Variants in SYNE1 observed in about 807,000 individuals in gnomAD.
SYNE1 encodes nesprin-1.
Under a neutral mutation model 1,111.0 loss-of-function variants are expected in SYNE1, and 616 were observed. That is an observed-to-expected ratio of 0.55 (90% confidence interval 0.52 to 0.59). The LOEUF (loss-of-function observed/expected upper bound fraction) is 0.59. Ranked by LOEUF, SYNE1 falls within the 20% of genes least tolerant of loss-of-function variation. SYNE1 has a pLI of 0.00. For synonymous variants in SYNE1, 3,855 were observed against 3,825.8 expected (o/e 1.01, Z -0.28); for missense variants, 10,006 against 10,417.0 (o/e 0.96, Z 1.72).
chr6:152,452,844 G>A (rs569119749), intron 25 of SYNE1, among the ~76,000 whole-genome samples: 6 of 152,240 alleles, frequency 3.9e-5, no homozygotes, highest in Admixed American at 3.9e-4. Flanking sequence ...GGAAGCCCGC[G>A]GGCCCCCGTG....
At chr6:152,282,166 T>G in intron 96 of SYNE1, 186 bp from the exon 97 acceptor site, 1 of 634,032 alleles carries the variant, frequency 1.6e-6, no homozygotes, top group Non-Finnish European at 2.8e-6. Flanking sequence ...AGTCTCAAAA[T>G]TGGTATTTTT....
rs1271652335 is a variant in SYNE1, at chr6:152,549,628, GA to G, written c.68-9608del. On this transcript the variant is annotated intron_variant, in intron 3 of 145. Coordinates refer to ENST00000367255, the MANE Select transcript of SYNE1 (RefSeq NM_182961.4). ...ACCAAAGTTACTCTGCATGAGTTCT[GA>G]CATGGATTGATGCGAAGGGACAGAC... Among the ~76,000 whole-genome samples the G allele has an allele frequency of 7.2e-5, 11 of 152,320 alleles. No individual in the cohort carries two copies. The East Asian group carries it at 1.9e-3, about 27-fold the overall frequency.
intron 128 of SYNE1, among the ~76,000 whole-genome samples, chr6:152,183,494 G>A (rs1005482589): frequency 3.7e-4 from 57 of 152,172 alleles, no homozygotes; most frequent in African/African-American, 1.1e-3. Flanking sequence ...TCAGCTACTC[G>A]GGAGGCTGAG....
At chr6:152,485,893 A>G (rs1171021912) in intron 12 of SYNE1, among the ~76,000 whole-genome samples, 1 of 152,178 alleles carries the variant, frequency 6.6e-6, no homozygotes, top group East Asian at 1.9e-4. Context: ...ACTGAATGGA[A>G]TTTTAAAAAT....
At chr6:152,359,263 G>A (rs1280256363) in intron 65 of SYNE1, 52 bp downstream of exon 65, 1 of 1,610,810 alleles carries the variant, frequency 6.2e-7, no homozygotes, top group East Asian at 2.2e-5. Context: ...AAGGAGCACA[G>A]CTCCAAACAC....
intron 95 of SYNE1, among the ~76,000 whole-genome samples, chr6:152,292,698 T>C (rs1447007100): frequency 1.3e-5 from 2 of 152,254 alleles, no homozygotes; most frequent in Non-Finnish European, 2.9e-5. Context: ...TAAGTTACCC[T>C]GTGTTGATAA....
rs1562396133 is a variant in SYNE1, at chr6:152,236,202, G to A, written c.20301C>T (p.Ser6767=). Residue 6767 remains serine (S), a synonymous_variant, in exon 110 of 146, where the codon AGC becomes AGT. Coordinates refer to ENST00000367255, the MANE Select transcript of SYNE1 (RefSeq NM_182961.4). ...LISISCSDLE[S]QLNQLGECWL... is the part of the protein sequence containing the mutation. ...AGCACTCTCCAAGTTGATTTAGTTGGCTTTCTAGATCTGAGCAGCTGATGG... is the reference window on the plus strand; with the variant it reads ...AGCACTCTCCAAGTTGATTTAGTTGACTTTCTAGATCTGAGCAGCTGATGG... 6.2e-7 allele frequency: 1 copy of A among 1,614,064 alleles called. No homozygotes were observed. The highest frequency in any genetic ancestry group is 8.5e-7 in the Non-Finnish European group (1 of 1,180,000).
rs2097740962 is a variant in SYNE1 at position 152,396,949 on chromosome 6, C to T, written c.7382G>A (p.Ser2461Asn). The T allele has an allele frequency of 6.2e-7, 1 of 1,614,168 alleles. No individual in the cohort carries two copies. ...TTCTTGAGTCACTGCATCAAGTTTG[C>T]TCTGCCCATCACTGACTGAGTCCAA... is the stretch of plus-strand genomic sequence containing the variant. ...NILDSVSDGQ[S>N]KLDAVTQEGQ... Residue 2461 changes from serine (S) to asparagine (N), a missense_variant, in exon 50 of 146, where the codon AGC becomes AAC. By Grantham distance (46) the Ser-to-Asn change is conservative. Coordinates refer to ENST00000367255, the MANE Select transcript of SYNE1 (RefSeq NM_182961.4).
chr6:152,457,080 T>C (rs996505114), intron 22 of SYNE1, among the ~76,000 whole-genome samples: 1 of 152,156 alleles, frequency 6.6e-6, no homozygotes, highest in Non-Finnish European at 1.5e-5. Context: ...GATATCACCA[T>C]GTCTAAAAAT....
chr6:152,377,640 AATATAT>A lies in SYNE1; in HGVS notation c.9010-734_9010-729del, dbSNP rs1369932106. 5.1e-3 allele frequency among the ~76,000 whole-genome samples: 173 copies of A among 33,866 alleles called. 3 individuals are homozygous for A. The highest frequency in any genetic ancestry group is 0.021 in the African/African-American group (139 of 6,664). The allele number at this position is 33,866 out of a possible 152,430, so 22.2% of individuals were successfully genotyped here. ...AAAAAAAAAAAAAAAAAAAAAAAAA[AATATAT>A]ATATATATATATATATATATATATA... On this transcript the variant is annotated intron_variant, in intron 56 of 145. Transcript: ENST00000367255.
At chr6:152,502,160 G>A (rs1169338001) in intron 10 of SYNE1, among the ~76,000 whole-genome samples, 3 of 152,236 alleles carry the variant, frequency 2.0e-5, no homozygotes, top group African/African-American at 4.8e-5. Flanking sequence ...TTTAAAGGCT[G>A]AAAAATCTAA....
intron 114 of SYNE1, among the ~76,000 whole-genome samples, chr6:152,230,942 T>TAA (rs967872402): frequency 1.4e-5 from 2 of 142,340 alleles, no homozygotes; most frequent in Non-Finnish European, 3.1e-5. Flanking sequence ...GCCGACGATC[T>TAA]AAAAAAAAAA....
At chr6:152,297,389 G>C (rs1484449315) in intron 93 of SYNE1, among the ~76,000 whole-genome samples, 1 of 152,036 alleles carries the variant, frequency 6.6e-6, no homozygotes, top group African/African-American at 2.4e-5. Flanking sequence ...GCCTTCTCTA[G>C]GCCCTCCCAC....
At chr6:152,413,867 T>C (rs113700393) in intron 41 of SYNE1, among the ~76,000 whole-genome samples, 4 of 152,196 alleles carry the variant, frequency 2.6e-5, no homozygotes, top group Non-Finnish European at 4.4e-5. Flanking sequence ...AAATACTTAT[T>C]GTAAAATCTT....
chr6:152,279,160 T>C (rs1485542513), intron 97 of SYNE1, among the ~76,000 whole-genome samples: 1 of 147,702 alleles, frequency 6.8e-6, no homozygotes, highest in East Asian at 1.9e-4. Context: ...TTTTTTTTTT[T>C]TTTTTTGAGA....
At chr6:152,182,135 A>C (rs1488143660) in intron 128 of SYNE1, among the ~76,000 whole-genome samples, 1 of 152,196 alleles carries the variant, frequency 6.6e-6, no homozygotes, top group East Asian at 1.9e-4. Flanking sequence ...TTTCTTATAC[A>C]TTATATATAT....
At chr6:152,552,335 T>A (rs2099350027) in intron 3 of SYNE1, among the ~76,000 whole-genome samples, 2 of 152,074 alleles carry the variant, frequency 1.3e-5, no homozygotes, top group African/African-American at 4.8e-5. Flanking sequence ...CATTTTCACA[T>A]TTTGGGATTT....
rs374236919 is a variant in SYNE1 at position 152,607,327 on chromosome 6, T to C, written c.67+20938A>G. On this transcript the variant is annotated intron_variant, in intron 3 of 145. Transcript: ENST00000367255. ...AACCAATAGCCTGATAGTTAAAATT[T>C]ACTAGTTCATGTGACTACAGTGAGT... is the stretch of plus-strand genomic sequence containing the variant. 2.6e-5 allele frequency among the ~76,000 whole-genome samples: 4 copies of C among 152,144 alleles called. No individual in the cohort carries two copies. In the East Asian group the frequency reaches 5.8e-4, roughly 22 times the overall value.
chr6:152,320,305 G>C (rs1844356), intron 84 of SYNE1: 79,144 of 152,070 alleles, frequency 0.52, 20,965 homozygotes, highest in Admixed American at 0.6. Context: ...TGATGCAGTA[G>C]GATCAGATTT....
Sources: allele counts gnomAD v4.1 joint callset (sites outside exome capture counted in the v4.1 genomes callset), GRCh38; gene constraint gnomAD v4.1.1; transcripts MANE v1.5; gene names NCBI Gene and HGNC (gene_info 2026-07-23, HGNC 2026-07-21).